Variants in NTRK3 observed in about 807,000 individuals in gnomAD.
NTRK3 encodes the protein NT-3 growth factor receptor.
In NTRK3, 24 loss-of-function variants were observed where a neutral mutation model predicts 91.7. The ratio of observed to expected loss-of-function variants is 0.26; its 90% CI spans 0.19 to 0.37. The LOEUF is 0.37. Ranked by LOEUF, NTRK3 falls within the 10% of genes least tolerant of loss-of-function variation. The pLI is 1.00. For synonymous variants in NTRK3, 483 were observed against 404.0 expected, an observed-to-expected ratio of 1.20 and a Z score of -2.34; for missense variants, 880 against 1,068.9, an observed-to-expected ratio of 0.82 and a Z score of 2.46.
chr15:88,196,909 C>G (rs1395893880), intron 3 of NTRK3, among the ~76,000 whole-genome samples: 1 of 152,000 alleles, frequency 6.6e-6, no homozygotes, highest in African/African-American at 2.4e-5. Context: ...CTCTAAAGAG[C>G]AAATATGGAC....
intron 4 of NTRK3, among the ~76,000 whole-genome samples, chr15:88,183,917 G>C (rs2046737225): frequency 6.6e-6 from 1 of 152,168 alleles, no homozygotes; most frequent in Non-Finnish European, 1.5e-5. Context: ...CAAGCATAAG[G>C]GTAGGGAAAG....
chr15:87,915,174 CCATTATGCATATGCATATA>C, intron 17 of NTRK3, among the ~76,000 whole-genome samples: 1 of 152,144 alleles, frequency 6.6e-6, no homozygotes, highest in Non-Finnish European at 1.5e-5. Context: ...ACTTGCACAT[CCATTATGCATATGCATATA>C]CACTTGCATA....
chr15:88,041,629 G>A (rs1272012865), intron 13 of NTRK3, among the ~76,000 whole-genome samples: 1 of 152,120 alleles, frequency 6.6e-6, no homozygotes, highest in Admixed American at 6.5e-5. Context: ...GGCCAACTTA[G>A]ACGCAAGGGC....
chr15:87,980,163 C>A (rs188463286), intron 14 of NTRK3, among the ~76,000 whole-genome samples: 1 of 152,168 alleles, frequency 6.6e-6, no homozygotes, highest in Non-Finnish European at 1.5e-5. Context: ...CCACGTGCTG[C>A]CTCGAGCAAG....
intron 13 of NTRK3, among the ~76,000 whole-genome samples, chr15:88,081,869 A>G (rs539089822): frequency 3.9e-5 from 6 of 152,266 alleles, no homozygotes; most frequent in Admixed American, 6.5e-5. Flanking sequence ...ATCAGAGCCC[A>G]TTCAGGTGCA....
chr15:88,111,250 C>T (rs996015886), intron 13 of NTRK3, among the ~76,000 whole-genome samples: 8 of 152,280 alleles, frequency 5.3e-5, no homozygotes, highest in Non-Finnish European at 1.0e-4. Context: ...TGGCTAGTCA[C>T]GACCTCAGGT....
intron 13 of NTRK3, among the ~76,000 whole-genome samples, chr15:88,057,585 G>A (rs2045836211): frequency 6.6e-6 from 1 of 152,182 alleles, no homozygotes; most frequent in East Asian, 1.9e-4. Context: ...GGAGCAACGG[G>A]AAGCTCCTGG....
At chr15:88,253,828 G>A (rs1030261740) in intron 3 of NTRK3, among the ~76,000 whole-genome samples, 2 of 152,138 alleles carry the variant, frequency 1.3e-5, no homozygotes, top group Non-Finnish European at 2.9e-5. Context: ...AGGCCCTCCA[G>A]TACCAAAGAG....
At chr15:88,099,316 G>C (rs1293404179) in intron 13 of NTRK3, 1 of 211,772 alleles carries the variant, frequency 4.7e-6, no homozygotes, top group Non-Finnish European at 9.6e-6. Flanking sequence ...CTGATGAAAA[G>C]AAAAAAGATG....
intron 13 of NTRK3, among the ~76,000 whole-genome samples, chr15:88,060,884 A>G (rs540462433): frequency 6.6e-5 from 10 of 152,244 alleles, no homozygotes; most frequent in African/African-American, 2.2e-4. Context: ...CTATCAATAT[A>G]TCCCCAAATT....
At chr15:87,930,606 T>A (rs1302942586) in intron 16 of NTRK3, among the ~76,000 whole-genome samples, 1 of 151,944 alleles carries the variant, frequency 6.6e-6, no homozygotes, top group African/African-American at 2.4e-5. Flanking sequence ...ACCACCAATA[T>A]GGAGATGTGA....
At chr15:87,963,633 T>G (rs919375678) in intron 14 of NTRK3, among the ~76,000 whole-genome samples, 4 of 152,250 alleles carry the variant, frequency 2.6e-5, no homozygotes, top group Non-Finnish European at 5.9e-5. Context: ...GTCAGTGTTC[T>G]GAGCACATTT....
At chr15:88,186,756 A>G (rs557484504) in intron 3 of NTRK3, among the ~76,000 whole-genome samples, 28 of 152,372 alleles carry the variant, frequency 1.8e-4, no homozygotes, top group African/African-American at 6.3e-4. Context: ...CTACAATAAC[A>G]GAGCTGAATA....
chr15:87,866,563 G>A (rs1321767595), exon 19 of NTRK3: 1 of 177,734 alleles, frequency 5.6e-6, no homozygotes, highest in Non-Finnish European at 1.2e-5. Context: ...TAGACATTAT[G>A]AATTTGTTTT....
At chr15:88,082,588 A>C (rs967379017) in intron 13 of NTRK3, among the ~76,000 whole-genome samples, 2 of 152,200 alleles carry the variant, frequency 1.3e-5, no homozygotes, top group Non-Finnish European at 2.9e-5. Flanking sequence ...TCTGAACTTC[A>C]TATAAATGGA....
At chr15:88,123,495 T>G in intron 13 of NTRK3, among the ~76,000 whole-genome samples, 1 of 152,200 alleles carries the variant, frequency 6.6e-6, no homozygotes, top group East Asian at 1.9e-4. Context: ...AGGCATTTGC[T>G]TATGTCAAAG....
exon 19 of NTRK3, chr15:87,872,827 T>A (rs925624347): frequency 4.3e-6 from 1 of 232,748 alleles, no homozygotes; most frequent in African/African-American, 2.2e-5. Context: ...TACATATATA[T>A]CAGGTGGGAC....
intron 14 of NTRK3, among the ~76,000 whole-genome samples, chr15:87,998,596 T>G (rs778257488): frequency 1.3e-5 from 2 of 152,214 alleles, no homozygotes; most frequent in Non-Finnish European, 2.9e-5. Context: ...TTTTAATCCA[T>G]GTAAACTCAC....
rs1336089040 is a variant in NTRK3, at chr15:88,255,713, C to T, written c.248+193G>A. Reference sequence around the variant, plus strand: ...ACACACGCATAGCCGGATCGCGCCTCGCCAGGGCCGGAGTCACCTGGAATG... The same window carrying T: ...ACACACGCATAGCCGGATCGCGCCTTGCCAGGGCCGGAGTCACCTGGAATG... On this transcript the variant is annotated intron_variant, in intron 3 of 18. Transcript: ENST00000394480. The surrounding 1 kb of genome is among the most constrained non-coding windows in gnomAD (Gnocchi z 4.3). 6.6e-6 allele frequency among the ~76,000 whole-genome samples: 1 copy of T among 152,158 alleles called. No individual in the cohort carries two copies. Among genetic ancestry groups the T allele is most frequent in the East Asian group, 1.9e-4 (1 of 5,162 alleles).
Sources: gnomAD v4.1 joint callset for allele counts (sites outside exome capture counted in the v4.1 genomes callset) on GRCh38, gnomAD v4.1.1 for gene constraint, Gnocchi (gnomAD v3.1) non-coding constraint, MANE v1.5 for transcripts, NCBI Gene and HGNC (gene_info 2026-07-23, HGNC 2026-07-21) for gene names.